Variants in GALNT16 observed in about 807,000 individuals in gnomAD.
GALNT16 encodes polypeptide N-acetylgalactosaminyltransferase 16.
GALNT16 carries 40 observed loss-of-function variants against 76.1 expected under a neutral mutation model. That is an observed-to-expected ratio of 0.53 (90% confidence interval 0.41 to 0.68). The LOEUF (loss-of-function observed/expected upper bound fraction) is 0.68, where lower values mean the gene tolerates loss of function less well. Ranked by LOEUF, GALNT16 falls within the 30% of genes least tolerant of loss-of-function variation. The pLI is 0.00. For synonymous variants in GALNT16, 276 were observed against 285.2 expected (o/e 0.97, Z 0.32); for missense variants, 621 against 731.9 (o/e 0.85, Z 1.75).
Position 69,341,700 on chromosome 14 carries a change from C to G in GALNT16, c.1207C>G (p.Gln403Glu). 6.2e-7 allele frequency: 1 copy of G among 1,612,376 alleles called. No individual in the cohort carries two copies. Residue 403 changes from glutamine to glutamate, a missense_variant, in exon 12 of 15, where the codon CAG becomes GAG. Coordinates refer to ENST00000448469, the MANE Select transcript of GALNT16 (RefSeq NM_001168368.2). ...CTACAGTGTGGCTACGCGGATAGAGCAGAGGAAGAAGATGAACTGCAAGTC... is the reference window on the plus strand; with the variant it reads ...CTACAGTGTGGCTACGCGGATAGAGGAGAGGAAGAAGATGAACTGCAAGTC... ...AFGSVATRIEQRKKMNCKSFR... is the reference protein window; with the variant it reads ...AFGSVATRIEERKKMNCKSFR...
chr14:69,327,362 AAAAG>A (rs775189569), intron 5 of GALNT16, among the ~76,000 whole-genome samples: 26 of 152,234 alleles, frequency 1.7e-4, no homozygotes, highest in African/African-American at 4.6e-4. Flanking sequence ...AGTTTCGAAA[AAAAG>A]AAAGAAAGAA....
intron 1 of GALNT16, among the ~76,000 whole-genome samples, chr14:69,307,731 C>T (rs2044957601): frequency 1.3e-5 from 2 of 152,172 alleles, no homozygotes; most frequent in South Asian, 2.1e-4. Flanking sequence ...TAAGCACTCA[C>T]ATCAGGAACT....
intron 1 of GALNT16, among the ~76,000 whole-genome samples, chr14:69,312,138 C>A (rs1240940278): frequency 1.3e-5 from 2 of 151,694 alleles, no homozygotes; most frequent in Non-Finnish European, 2.9e-5. Flanking sequence ...ATAGTCCCAG[C>A]TACTCAGGAG....
intron 12 of GALNT16, among the ~76,000 whole-genome samples, chr14:69,342,532 A>G (rs1594866355): frequency 1.6e-5 from 1 of 63,646 alleles, no homozygotes; most frequent in Admixed American, 1.6e-4. Flanking sequence ...AGGGAGAGGA[A>G]AAGAAAAGAA....
At chr14:69,310,064 T>G (rs776658861) in intron 1 of GALNT16, among the ~76,000 whole-genome samples, 37 of 152,116 alleles carry the variant, frequency 2.4e-4, no homozygotes, top group Non-Finnish European at 4.3e-4. Flanking sequence ...GAAGTACAAG[T>G]GTATCTTATG....
At chr14:69,322,258 C>G (rs2045199321) in intron 2 of GALNT16, among the ~76,000 whole-genome samples, 1 of 152,244 alleles carries the variant, frequency 6.6e-6, no homozygotes, top group South Asian at 2.1e-4. Context: ...TTCTTTCTCA[C>G]CCAGTCCTGG....
chr14:69,282,509 G>A (rs1041404709), intron 1 of GALNT16, among the ~76,000 whole-genome samples: 3 of 151,936 alleles, frequency 2.0e-5, no homozygotes, highest in East Asian at 1.9e-4. Flanking sequence ...CACGATGATC[G>A]CCCTTGGAAA....
rs537037223 is a variant in GALNT16, at chr14:69,299,913, C to T, written c.178-20798C>T. ...TCTCCTTCTAAGACACCAAGGTGTC[C>T]GTGTTACAGGGTCTGATGGAGCAGC... On this transcript the variant is annotated intron_variant, in intron 1 of 14. Transcript: ENST00000448469. Among the ~76,000 whole-genome samples, 126 of 152,234 alleles carry T rather than the reference C, an allele frequency of 8.3e-4. 1 individual carries two copies. Among genetic ancestry groups the T allele is most frequent in the Non-Finnish European group, 1.3e-3 (89 of 68,004 alleles).
At chr14:69,340,982 C>T (rs1299603489) in intron 11 of GALNT16, among the ~76,000 whole-genome samples, 3 of 152,192 alleles carry the variant, frequency 2.0e-5, no homozygotes, top group African/African-American at 7.2e-5. Flanking sequence ...CCTATTTATT[C>T]ATATCTATCT....
At chr14:69,362,297 T>C in the GALNT16 span, among the ~76,000 whole-genome samples, 2 of 152,218 alleles carry the variant, frequency 1.3e-5, no homozygotes, top group African/African-American at 4.8e-5. Flanking sequence ...TTATTTGTCC[T>C]CAGACATTCG....
downstream of GALNT16, among the ~76,000 whole-genome samples, chr14:69,360,005 C>T (rs912642151): frequency 6.0e-5 from 9 of 149,510 alleles, no homozygotes; most frequent in African/African-American, 9.9e-5. Context: ...AGCCTGGCGA[C>T]GGAGTGGGAC....
downstream of GALNT16, among the ~76,000 whole-genome samples, chr14:69,360,319 C>T (rs1274387527): frequency 1.3e-5 from 2 of 150,634 alleles, no homozygotes; most frequent in South Asian, 4.2e-4. Flanking sequence ...CAGCACTGCA[C>T]TTCCAGCCTG....
intron 1 of GALNT16, among the ~76,000 whole-genome samples, chr14:69,313,050 T>C (rs756332425): frequency 2.4e-4 from 36 of 152,170 alleles, no homozygotes; most frequent in Non-Finnish European, 4.3e-4. Flanking sequence ...TTTCCACCTC[T>C]GTAAAATAAG....
At chr14:69,282,188 T>C (rs1455845897) in intron 1 of GALNT16, among the ~76,000 whole-genome samples, 1 of 152,192 alleles carries the variant, frequency 6.6e-6, no homozygotes, top group African/African-American at 2.4e-5. Context: ...TGGAGGCGAT[T>C]CCTTGAGTAG....
chr14:69,290,464 G>C (rs1185185396), intron 1 of GALNT16, among the ~76,000 whole-genome samples: 1 of 152,336 alleles, frequency 6.6e-6, no homozygotes, highest in East Asian at 1.9e-4. Flanking sequence ...ATCTGTGTTT[G>C]GTGCCTCTGC....
chr14:69,360,024 A>AAAAAT (rs983593047), downstream of GALNT16, among the ~76,000 whole-genome samples: 74 of 147,700 alleles, frequency 5.0e-4, no homozygotes, highest in Middle Eastern at 3.5e-3. Flanking sequence ...ACTCTGTCTC[A>AAAAAT]AAAATAAAAT....
chr14:69,262,040 T>C (rs1452163430), intron 1 of GALNT16, among the ~76,000 whole-genome samples: 1 of 152,198 alleles, frequency 6.6e-6, no homozygotes. Context: ...AAACCAGCAG[T>C]GGCCTCCAGA....
chr14:69,292,652 G>A lies in GALNT16; in HGVS notation c.178-28059G>A, dbSNP rs370582593. On this transcript the variant is annotated intron_variant, in intron 1 of 14. Coordinates refer to ENST00000448469, the MANE Select transcript of GALNT16 (RefSeq NM_001168368.2). Reference sequence around the variant, plus strand: ...CTCTTTCTCTGTTCTCTGGGGAGATGGAGAATCATTCCCTCCTACCCACAA... The same window carrying A: ...CTCTTTCTCTGTTCTCTGGGGAGATAGAGAATCATTCCCTCCTACCCACAA... Among the ~76,000 whole-genome samples the A allele has an allele frequency of 1.2e-4, 18 of 152,334 alleles. No homozygotes were observed. The East Asian group carries it at 2.5e-3, about 21-fold the overall frequency.
chr14:69,340,278 G>A (rs1414275517), intron 11 of GALNT16, among the ~76,000 whole-genome samples: 6 of 152,046 alleles, frequency 3.9e-5, no homozygotes, highest in African/African-American at 7.3e-5. Context: ...GACCCCCCAC[G>A]GATACCAGAA....
Sources: allele counts gnomAD v4.1 joint callset (sites outside exome capture counted in the v4.1 genomes callset), GRCh38; gene constraint gnomAD v4.1.1; transcripts MANE v1.5; gene names NCBI Gene and HGNC (gene_info 2026-07-23, HGNC 2026-07-21).